TPST1: variants seen among roughly 807,000 people sequenced by gnomAD.
TPST1 encodes protein-tyrosine sulfotransferase 1.
Under a neutral mutation model 34.8 loss-of-function variants are expected in TPST1, and 20 were observed. That is an observed-to-expected ratio of 0.57 (90% CI 0.40 to 0.84). The LOEUF (loss-of-function observed/expected upper bound fraction) is 0.84. TPST1 is among the 40% of genes least tolerant of loss of function. The probability of loss-of-function intolerance (pLI) is 0.00; values close to 1 mark genes in which losing one functional copy is unlikely to be tolerated. For synonymous variants in TPST1, 152 were observed against 159.4 expected, an observed-to-expected ratio of 0.95 and a Z score of 0.35; for missense variants, 353 against 455.5, an observed-to-expected ratio of 0.78 and a Z score of 2.05.
rs369486447 is a variant in TPST1 at position 66,208,893 on chromosome 7, A to G, written c.-102+3371A>G. Among the ~76,000 whole-genome samples the G allele has an allele frequency of 3.5e-4, 54 of 152,348 alleles. No homozygotes were observed. The South Asian group carries it at 0.01, about 29-fold the overall frequency. On this transcript the variant is annotated intron_variant, in intron 1 of 5. Transcript: ENST00000304842. ...CAGTTTCTAGCAAATTGCCAAGTAC[A>G]TAGTGCTCAGTAAACTAAGTTTTCA...
intron 2 of TPST1, among the ~76,000 whole-genome samples, chr7:66,257,902 A>G (rs1398370318): frequency 6.6e-6 from 1 of 152,218 alleles, no homozygotes; most frequent in East Asian, 1.9e-4. Context: ...TATTTTGTCA[A>G]ATTGAAGGAG....
At chr7:66,335,976 G>A (rs1792110724) in intron 3 of TPST1, among the ~76,000 whole-genome samples, 2 of 152,202 alleles carry the variant, frequency 1.3e-5, no homozygotes, top group African/African-American at 4.8e-5. Flanking sequence ...GAAGATCTAT[G>A]AAATGTCAGA....
At chr7:66,228,141 A>G (rs1005664833) in intron 1 of TPST1, among the ~76,000 whole-genome samples, 11 of 152,152 alleles carry the variant, frequency 7.2e-5, no homozygotes, top group African/African-American at 2.7e-4. Flanking sequence ...TTAGTTTTCA[A>G]TACTGGGAGT....
At chr7:66,242,642 T>A (rs1790059868) in intron 2 of TPST1, among the ~76,000 whole-genome samples, 1 of 152,226 alleles carries the variant, frequency 6.6e-6, no homozygotes, top group South Asian at 2.1e-4. Flanking sequence ...TAATCACCTG[T>A]ATTAGGTATT....
At chr7:66,340,560 A>G (rs1006871899) in intron 3 of TPST1, among the ~76,000 whole-genome samples, 7 of 152,244 alleles carry the variant, frequency 4.6e-5, no homozygotes, top group African/African-American at 7.2e-5. Flanking sequence ...TACAAAATCA[A>G]CATAACAAAA....
chr7:66,351,618 CTGTG>C (rs1056514956), intron 3 of TPST1, among the ~76,000 whole-genome samples: 16 of 150,526 alleles, frequency 1.1e-4, no homozygotes, highest in African/African-American at 3.9e-4. Flanking sequence ...ATTCTTGGCC[CTGTG>C]TATTTCCATA....
At chr7:66,303,923 G>A (rs1021770266) in intron 3 of TPST1, among the ~76,000 whole-genome samples, 3 of 152,084 alleles carry the variant, frequency 2.0e-5, no homozygotes, top group Non-Finnish European at 4.4e-5. Context: ...TTGGAGTTAC[G>A]GCTCAGCTCA....
chr7:66,352,258 T>C (rs1015364997), intron 3 of TPST1, among the ~76,000 whole-genome samples: 1 of 152,192 alleles, frequency 6.6e-6, no homozygotes, highest in South Asian at 2.1e-4. Flanking sequence ...TAGGGTACCC[T>C]GAGCCCTCTC....
intron 3 of TPST1, among the ~76,000 whole-genome samples, chr7:66,301,949 ATT>A (rs1316206295): frequency 6.6e-6 from 1 of 152,224 alleles, no homozygotes; most frequent in Non-Finnish European, 1.5e-5. Context: ...CACACCTTCA[ATT>A]TGTAAAAAAC....
At chr7:66,245,291 G>A (rs1459074649) in intron 2 of TPST1, among the ~76,000 whole-genome samples, 1 of 152,194 alleles carries the variant, frequency 6.6e-6, no homozygotes, top group Non-Finnish European at 1.5e-5. Context: ...ACTTAACTCT[G>A]AATACAGCAT....
chr7:66,284,524 G>A (rs191017613), intron 2 of TPST1, among the ~76,000 whole-genome samples: 6 of 141,266 alleles, frequency 4.2e-5, no homozygotes, highest in African/African-American at 1.0e-4. Context: ...TCTTCACCCC[G>A]CCTTATCTAA....
In TPST1 at chr7:66,243,697, C is replaced by G. The variant is rs571684582; in HGVS notation, c.845+2427C>G. ...TCCTGAGTTCAGGCAATCCATGTAC[C>G]TCAGCCTCCCAGAGTACTGGGGTTA... On this transcript the variant is annotated intron_variant, in intron 2 of 5. Coordinates refer to ENST00000304842, the MANE Select transcript of TPST1 (RefSeq NM_003596.4). 8.5e-4 allele frequency among the ~76,000 whole-genome samples: 127 copies of G among 149,610 alleles called. 1 individual carries two copies. The South Asian group carries it at 0.013, about 15-fold the overall frequency.
intron 1 of TPST1, among the ~76,000 whole-genome samples, chr7:66,227,729 A>AT (rs34385620): frequency 0.66 from 97,611 of 147,714 alleles, 32,421 homozygotes; most frequent in African/African-American, 0.76. Flanking sequence ...GAGCCAACAG[A>AT]TTTTTTTTTT....
intron 3 of TPST1, among the ~76,000 whole-genome samples, chr7:66,342,841 A>G (rs528251924): frequency 2.0e-5 from 3 of 152,186 alleles, no homozygotes; most frequent in Non-Finnish European, 4.4e-5. Context: ...TTCATGAGGG[A>G]TCTGGCCCCA....
intron 2 of TPST1, among the ~76,000 whole-genome samples, chr7:66,285,265 G>T (rs1791012630): frequency 6.6e-6 from 1 of 152,158 alleles, no homozygotes; most frequent in Non-Finnish European, 1.5e-5. Context: ...TTACGCTGAG[G>T]TAAATTATGC....
At chr7:66,272,572 A>G (rs1019356487) in intron 2 of TPST1, among the ~76,000 whole-genome samples, 2 of 141,646 alleles carry the variant, frequency 1.4e-5, no homozygotes, top group Non-Finnish European at 3.1e-5. Context: ...CAGAATACCC[A>G]CTCTCACCCC....
chr7:66,270,078 T>C (rs1264057980), intron 2 of TPST1, among the ~76,000 whole-genome samples: 1 of 152,166 alleles, frequency 6.6e-6, no homozygotes, highest in African/African-American at 2.4e-5. Flanking sequence ...AGGTGATATC[T>C]GAGCAAAGTC....
intron 3 of TPST1, among the ~76,000 whole-genome samples, chr7:66,307,376 C>T (rs1175163007): frequency 6.6e-6 from 1 of 152,030 alleles, no homozygotes; most frequent in Non-Finnish European, 1.5e-5. Context: ...CCTCGGCCTC[C>T]CAAAGTGCTG....
intron 3 of TPST1, among the ~76,000 whole-genome samples, chr7:66,316,459 T>C (rs1791635210): frequency 6.6e-6 from 1 of 152,196 alleles, no homozygotes; most frequent in African/African-American, 2.4e-5. Flanking sequence ...TTGACAGTTA[T>C]GTAGCCCTTA....
Sources: allele counts gnomAD v4.1 joint callset (sites outside exome capture counted in the v4.1 genomes callset), GRCh38; gene constraint gnomAD v4.1.1; transcripts MANE v1.5; gene names NCBI Gene and HGNC (gene_info 2026-07-23, HGNC 2026-07-21).